The following LNX1 variants were observed in gnomAD, a reference collection of about 807,000 sequenced individuals.
LNX1 encodes the protein ligand of numb-protein X 1.
A neutral mutation model predicts 68.4 loss-of-function variants in LNX1; 54 were observed. The ratio of observed to expected loss-of-function variants is 0.79; its 90% CI spans 0.63 to 0.99. The LOEUF is 0.99. LNX1 is among the 50% of genes least tolerant of loss of function. The probability of loss-of-function intolerance (pLI) is 0.00; values close to 1 mark genes in which losing one functional copy is unlikely to be tolerated. For synonymous variants in LNX1, 336 were observed against 350.0 expected, an observed-to-expected ratio of 0.96 and a Z score of 0.45; for missense variants, 906 against 926.4, an observed-to-expected ratio of 0.98 and a Z score of 0.29.
intron 9 of LNX1, among the ~76,000 whole-genome samples, chr4:53,467,498 T>C: frequency 6.6e-6 from 1 of 152,080 alleles, no homozygotes; most frequent in East Asian, 1.9e-4. Flanking sequence ...AGAGAATGAC[T>C]TCAACAAGTT....
chr4:53,511,271 T>C (rs1162296875), intron 2 of LNX1, among the ~76,000 whole-genome samples: 1 of 152,218 alleles, frequency 6.6e-6, no homozygotes, highest in Non-Finnish European at 1.5e-5. Flanking sequence ...TTACTAATTA[T>C]CTCTTTTGTG....
intron 2 of LNX1, among the ~76,000 whole-genome samples, chr4:53,572,845 T>A (rs931498488): frequency 4.6e-5 from 7 of 152,208 alleles, no homozygotes; most frequent in African/African-American, 1.7e-4. Flanking sequence ...GCCACAAAGT[T>A]AGCAGAACAA....
At chr4:53,582,074 T>C (rs1731869762) in intron 1 of LNX1, among the ~76,000 whole-genome samples, 1 of 152,238 alleles carries the variant, frequency 6.6e-6, no homozygotes, top group Non-Finnish European at 1.5e-5. Context: ...TATGACCTTG[T>C]CACTGTTAAT....
intron 1 of LNX1, among the ~76,000 whole-genome samples, chr4:53,590,083 C>A (rs143155722): frequency 7.2e-5 from 11 of 152,206 alleles, no homozygotes; most frequent in South Asian, 4.1e-4. Context: ...AAACCCCCCC[C>A]CTTAAACTCA....
chr4:53,636,203 T>TC (rs1734468725), intron 1 of LNX1, among the ~76,000 whole-genome samples: 1 of 143,646 alleles, frequency 7.0e-6, no homozygotes, highest in African/African-American at 2.6e-5. Flanking sequence ...TTTTTTTTTT[T>TC]CCTTTTCAGG....
At chr4:53,588,589 C>T (rs1334361165) in intron 1 of LNX1, among the ~76,000 whole-genome samples, 1 of 152,148 alleles carries the variant, frequency 6.6e-6, no homozygotes, top group African/African-American at 2.4e-5. Flanking sequence ...CCAGTCCCCC[C>T]AGTCAGTCTG....
upstream of LNX1, among the ~76,000 whole-genome samples, chr4:53,620,566 A>G (rs1256213135): frequency 6.6e-6 from 1 of 152,162 alleles, no homozygotes; most frequent in Non-Finnish European, 1.5e-5. Context: ...ATGACTGAAG[A>G]CTGTGGACCA....
intron 2 of LNX1, among the ~76,000 whole-genome samples, chr4:53,564,908 GTCAC>G (rs2109750131): frequency 6.6e-6 from 1 of 152,250 alleles, no homozygotes; most frequent in East Asian, 1.9e-4. Flanking sequence ...GGAAAATCAG[GTCAC>G]TCCCACCCGA....
At chr4:53,468,297 G>T (rs1722860469) in intron 9 of LNX1, among the ~76,000 whole-genome samples, 2 of 152,176 alleles carry the variant, frequency 1.3e-5, no homozygotes, top group East Asian at 3.8e-4. Flanking sequence ...AATGCTGAGA[G>T]ATTTTGTCAC....
At chr4:53,476,092 T>G (rs1172450206) in intron 9 of LNX1, among the ~76,000 whole-genome samples, 8 of 151,808 alleles carry the variant, frequency 5.3e-5, no homozygotes, top group Admixed American at 4.6e-4. Context: ...AAGTCAGGAG[T>G]TTGAGACCAG....
chr4:53,600,738 T>G lies in LNX1; in HGVS notation c.-214-9223A>C, dbSNP rs1577782026. Among the ~76,000 whole-genome samples the G allele has an allele frequency of 2.0e-5, 3 of 151,290 alleles. No individual in the cohort carries two copies. The East Asian group carries it at 6.0e-4, about 30-fold the overall frequency. ...TTTATTTTTATTTTTATTTTTATTT[T>G]TTCAATTTTTGAGACAGAGTCTCGC... is the stretch of plus-strand genomic sequence containing the variant. On this transcript the variant is annotated intron_variant, in intron 2 of 3. Coordinates refer to the LNX1 transcript ENST00000504299.
intron 1 of LNX1, among the ~76,000 whole-genome samples, chr4:53,649,180 A>G (rs1735000371): frequency 1.3e-5 from 2 of 152,190 alleles, no homozygotes; most frequent in African/African-American, 4.8e-5. Context: ...CTGTCTTTTA[A>G]TTAATTCATT....
intron 2 of LNX1, among the ~76,000 whole-genome samples, chr4:53,532,839 C>T (rs1324990382): frequency 2.0e-5 from 3 of 152,220 alleles, no homozygotes; most frequent in Non-Finnish European, 2.9e-5. Flanking sequence ...TTCAGGTTCA[C>T]CCTTCCCTCA....
At chr4:53,601,622 A>G (rs1733020524) in intron 2 of LNX1, among the ~76,000 whole-genome samples, 1 of 152,206 alleles carries the variant, frequency 6.6e-6, no homozygotes, top group Non-Finnish European at 1.5e-5. Flanking sequence ...CCTCAATGCC[A>G]TGTGGCTGCG....
chr4:53,535,642 A>G (rs542724918), intron 2 of LNX1, among the ~76,000 whole-genome samples: 1 of 152,214 alleles, frequency 6.6e-6, no homozygotes, highest in Non-Finnish European at 1.5e-5. Context: ...ATTGATACAG[A>G]TGTGAATAAG....
In LNX1 at chr4:53,460,796, T is replaced by C; in HGVS notation, c.*111A>G. 1 of 1,122,102 alleles carries C rather than the reference T, an allele frequency of 8.9e-7. No individual in the cohort carries two copies. Among genetic ancestry groups the C allele is most frequent in the East Asian group, 2.7e-5 (1 of 37,606 alleles). 69.5% of individuals were successfully genotyped at this position (1,122,102 alleles called of 1,614,324 possible). ...TTAGATGATCATACTTTTCCTGACA[T>C]TTTTACAATGTATTCTTTCTTTAAA... On this transcript the variant is annotated 3_prime_UTR_variant, in exon 11 of 11. Transcript: ENST00000263925.
intron 4 of LNX1, among the ~76,000 whole-genome samples, chr4:53,501,403 A>G (rs1443606788): frequency 6.7e-6 from 1 of 149,642 alleles, no homozygotes; most frequent in Non-Finnish European, 1.5e-5. Flanking sequence ...CAATCCTCCC[A>G]TCTCAGACCA....
intron 2 of LNX1, among the ~76,000 whole-genome samples, chr4:53,554,850 TCAAA>T (rs1729787336): frequency 9.0e-6 from 1 of 110,906 alleles, no homozygotes; most frequent in East Asian, 2.2e-4. Flanking sequence ...AGACTCTGTC[TCAAA>T]AAAAAAAAAA....
chr4:53,608,568 A>G (rs1460007585), intron 2 of LNX1, among the ~76,000 whole-genome samples: 2 of 152,120 alleles, frequency 1.3e-5, no homozygotes, highest in East Asian at 3.8e-4. Context: ...TTCTCACAGA[A>G]TTCAAAGCAG....
Sources: allele counts gnomAD v4.1 joint callset (sites outside exome capture counted in the v4.1 genomes callset), GRCh38; gene constraint gnomAD v4.1.1; transcripts MANE v1.5; gene names NCBI Gene and HGNC (gene_info 2026-07-23, HGNC 2026-07-21).